The following TEX48 variants were observed in gnomAD, a reference collection of about 807,000 sequenced individuals.
The protein encoded by TEX48 is testis-expressed protein 48.
A neutral mutation model predicts 13.2 loss-of-function variants in TEX48; 10 were observed. That is an observed-to-expected ratio of 0.75 (90% CI 0.47 to 1.28). The LOEUF (loss-of-function observed/expected upper bound fraction) is 1.28, where lower values mean the gene tolerates loss of function less well. TEX48 is among the 50% of genes most tolerant of loss of function. The probability of loss-of-function intolerance (pLI) is 0.00; values close to 1 mark genes in which losing one functional copy is unlikely to be tolerated. For synonymous variants in TEX48, 45 were observed against 52.3 expected, an observed-to-expected ratio of 0.86 and a Z score of 0.60; for missense variants, 116 against 139.4, an observed-to-expected ratio of 0.83 and a Z score of 0.84.
At chr9:114,676,192 C>A (rs766980966) in intron 1 of TEX48, among the ~76,000 whole-genome samples, 4 of 152,156 alleles carry the variant, frequency 2.6e-5, no homozygotes, top group Admixed American at 2.6e-4. Context: ...GAGACAGGGT[C>A]TCACTCTGAC....
Position 114,673,809 on chromosome 9 carries a change from C to CT in TEX48, c.-104-1983dup, listed in dbSNP as rs34331435. Among the ~76,000 whole-genome samples, 10 of 143,480 alleles carry CT rather than the reference C, an allele frequency of 7.0e-5. No individual in the cohort carries two copies. In the South Asian group the frequency reaches 1.1e-3, roughly 16 times the overall value. The allele number at this position is 143,480 out of a possible 152,430, so 94.1% of individuals were successfully genotyped here. A position where few individuals can be genotyped will look rare whatever the true frequency, so the allele number is the denominator to read the frequency against. ...GCAAATATGTGGGGGTAAATGCAAA[C>CT]TTTTTTTTTTTTTTGAGACAGAGTT... On this transcript the variant is annotated intron_variant, in intron 1 of 4. Transcript: ENST00000436752.
chr9:114,678,323 T>A (rs917125307), intron 1 of TEX48, among the ~76,000 whole-genome samples: 1 of 152,174 alleles, frequency 6.6e-6, no homozygotes, highest in Non-Finnish European at 1.5e-5. Context: ...AGGGAGCATT[T>A]TTCTAGAGAA....
chr9:114,667,885 AAC>A (rs2133755676), intron 4 of TEX48, among the ~76,000 whole-genome samples: 2 of 139,668 alleles, frequency 1.4e-5, no homozygotes, highest in South Asian at 5.0e-4. Context: ...AAGCCTAGAC[AAC>A]AGAGGGAGAC....
intron 1 of TEX48, among the ~76,000 whole-genome samples, chr9:114,679,111 C>T (rs944035420): frequency 6.6e-6 from 1 of 151,780 alleles, no homozygotes; most frequent in Non-Finnish European, 1.5e-5. Flanking sequence ...TTTCAAAGGA[C>T]ATTCTGGGGC....
intron 1 of TEX48, among the ~76,000 whole-genome samples, chr9:114,677,884 A>G (rs958067493): frequency 3.3e-5 from 5 of 151,970 alleles, no homozygotes; most frequent in African/African-American, 1.2e-4. Flanking sequence ...CTGTTTATCA[A>G]TTGTAGCGTG....
In TEX48 at chr9:114,668,276, G is replaced by A; in HGVS notation, c.189C>T (p.Ser63=). ...TCAGGGGTGTTCTCGAAGGCAAATG[G>A]GAGACTGCGTTAATGCGCTTGGGAT... is the stretch of plus-strand genomic sequence containing the variant. ...RQNPKRINAV[S]HLPSRTPLIQ... Residue 63 remains serine, a synonymous_variant, in exon 4 of 5, where the codon TCC becomes TCT. Transcript: ENST00000436752. 1 of 1,535,640 alleles carries A rather than the reference G, an allele frequency of 6.5e-7. No individual in the cohort carries two copies. The highest frequency in any genetic ancestry group is 8.7e-7 in the Non-Finnish European group (1 of 1,146,860).
At chr9:114,666,768 T>A in intron 4 of TEX48, 22 bp from the exon 5 acceptor site, 1 of 1,293,198 alleles carries the variant, frequency 7.7e-7, no homozygotes, top group Non-Finnish European at 1.1e-6. Context: ...AAGGAAAAAA[T>A]TATGCTGGGT....
At chr9:114,676,319 A>G (rs564156895) in intron 1 of TEX48, among the ~76,000 whole-genome samples, 2 of 151,854 alleles carry the variant, frequency 1.3e-5, no homozygotes, top group Admixed American at 1.3e-4. Flanking sequence ...TCGCACTACC[A>G]TGCCCGGTTA....
chr9:114,676,510 T>G (rs1828069892), intron 1 of TEX48, among the ~76,000 whole-genome samples: 1 of 151,962 alleles, frequency 6.6e-6, no homozygotes, highest in South Asian at 2.1e-4. Context: ...TTCACATGTA[T>G]TTACTGAAAA....
chr9:114,680,393 C>T (rs1023712005), intron 1 of TEX48, among the ~76,000 whole-genome samples: 2 of 152,114 alleles, frequency 1.3e-5, no homozygotes, highest in African/African-American at 2.4e-5. Flanking sequence ...TCCCAACGTG[C>T]TGGGATTACA....
At chr9:114,674,069 G>C (rs1022848468) in intron 1 of TEX48, among the ~76,000 whole-genome samples, 1 of 152,134 alleles carries the variant, frequency 6.6e-6, no homozygotes, top group South Asian at 2.1e-4. Flanking sequence ...GCCTCAAAAG[G>C]TGCTGGGATT....
At chr9:114,677,934 G>A (rs997283214) in intron 1 of TEX48, among the ~76,000 whole-genome samples, 2 of 151,828 alleles carry the variant, frequency 1.3e-5, no homozygotes, top group Admixed American at 6.6e-5. Context: ...CATTAAGGTT[G>A]TTGCCTCTTC....
At chr9:114,667,973 T>TC (rs1189670860) in intron 4 of TEX48, among the ~76,000 whole-genome samples, 1 of 149,290 alleles carries the variant, frequency 6.7e-6, no homozygotes, top group Non-Finnish European at 1.5e-5. Flanking sequence ...TGTTTGCCCT[T>TC]CCCCCCAGAC....
intron 3 of TEX48, among the ~76,000 whole-genome samples, chr9:114,670,332 G>T (rs143118384): frequency 5.9e-5 from 9 of 152,102 alleles, no homozygotes; most frequent in African/African-American, 2.2e-4. Context: ...TCTACTTCCA[G>T]GGAAAGTATT....
intron 1 of TEX48, among the ~76,000 whole-genome samples, chr9:114,675,871 A>C (rs1358768377): frequency 6.6e-6 from 1 of 152,172 alleles, no homozygotes; most frequent in African/African-American, 2.4e-5. Flanking sequence ...CCCTGTTCAC[A>C]TCCTGTTCCC....
At chr9:114,677,251 G>GTTT (rs1554764958) in intron 1 of TEX48, among the ~76,000 whole-genome samples, 1 of 147,936 alleles carries the variant, frequency 6.8e-6, no homozygotes, top group Non-Finnish European at 1.5e-5. Flanking sequence ...TTGTTTGTTT[G>GTTT]TTTTTTTGTT....
At chr9:114,677,524 C>T (rs1205076818) in intron 1 of TEX48, among the ~76,000 whole-genome samples, 4 of 152,218 alleles carry the variant, frequency 2.6e-5, no homozygotes, top group East Asian at 3.9e-4. Flanking sequence ...GCTTGCCTCA[C>T]GGGGTTTGGC....
At chr9:114,668,544 T>C (rs1316109060) in intron 3 of TEX48, among the ~76,000 whole-genome samples, 2 of 152,192 alleles carry the variant, frequency 1.3e-5, no homozygotes, top group African/African-American at 4.8e-5. Flanking sequence ...TTTAAAATAA[T>C]ACATTGTATT....
intron 1 of TEX48, among the ~76,000 whole-genome samples, chr9:114,681,831 C>T (rs143165104): frequency 0.22 from 1,810 of 8,324 alleles, 17 homozygotes; most frequent in Middle Eastern, 0.36. Context: ...GCGCTGCGGG[C>T]GGGGGTGGGG....
Sources: gnomAD v4.1 joint callset for allele counts (sites outside exome capture counted in the v4.1 genomes callset) on GRCh38, gnomAD v4.1.1 for gene constraint, MANE v1.5 for transcripts, NCBI Gene and HGNC (gene_info 2026-07-23, HGNC 2026-07-21) for gene names.